Variants in DENND1A observed in about 807,000 individuals in gnomAD.
DENND1A encodes DENN domain containing 1A, also known as DENN domain-containing protein 1A.
DENND1A carries 51 observed loss-of-function variants against 113.7 expected under a neutral mutation model. The observed-to-expected ratio is 0.45, with a 90% CI of 0.36 to 0.57. The LOEUF (loss-of-function observed/expected upper bound fraction) is 0.57, where lower values mean the gene tolerates loss of function less well. Ranked by LOEUF, DENND1A falls within the 20% of genes least tolerant of loss-of-function variation. The pLI is 0.00. For missense variants in DENND1A, 1,258 were observed against 1,395.9 expected (o/e 0.90, Z 1.57); for synonymous variants, 565 against 570.8 (o/e 0.99, Z 0.14).
chr9:123,620,083 G>A (rs947019506), intron 10 of DENND1A, among the ~76,000 whole-genome samples: 3 of 151,562 alleles, frequency 2.0e-5, no homozygotes, highest in Non-Finnish European at 4.4e-5. Context: ...GTGTGGTGGC[G>A]CATATCTGTA....
chr9:123,606,002 G>A (rs565877130), intron 11 of DENND1A, among the ~76,000 whole-genome samples: 166 of 152,294 alleles, frequency 1.1e-3, no homozygotes, highest in Middle Eastern at 0.01. Context: ...CTAGTGTAGC[G>A]AGAGGAGATG....
intron 12 of DENND1A, among the ~76,000 whole-genome samples, chr9:123,574,352 G>T (rs1004162792): frequency 1.3e-5 from 2 of 151,348 alleles, no homozygotes; most frequent in African/African-American, 4.9e-5. Flanking sequence ...AGGCTCTCTG[G>T]GCCTAGGGTT....
rs560233751 is a variant in DENND1A at position 123,462,413 on chromosome 9, A to C, written c.994-4516T>G. ...TCCCAAACCCAGGTGTGCAGCATGC[A>C]TGTGGTCTACTGCAGGCCTGGCTTC... On this transcript the variant is annotated intron_variant, in intron 13 of 23. Coordinates refer to ENST00000394215, the MANE Select transcript of DENND1A (RefSeq NM_001352964.2). Among the ~76,000 whole-genome samples, 10 of 152,338 alleles carry C rather than the reference A, an allele frequency of 6.6e-5. No individual in the cohort carries two copies. The South Asian group carries it at 1.7e-3, about 25-fold the overall frequency.
At chr9:123,386,627 G>A (rs10985996) in intron 22 of DENND1A, among the ~76,000 whole-genome samples, 14,304 of 152,092 alleles carry the variant, frequency 0.094, 730 homozygotes, top group Middle Eastern at 0.14. Flanking sequence ...CAAGTGATCC[G>A]CCCGCTTTGG....
chr9:123,909,190 G>A (rs1051634980), intron 1 of DENND1A, among the ~76,000 whole-genome samples: 1 of 151,892 alleles, frequency 6.6e-6, no homozygotes. Context: ...ACACTATGGG[G>A]CCTGTGGTGG....
At chr9:123,531,602 C>CACAG (rs1357514670) in intron 13 of DENND1A, among the ~76,000 whole-genome samples, 3 of 147,532 alleles carry the variant, frequency 2.0e-5, no homozygotes, top group African/African-American at 7.7e-5. Context: ...CACACACACA[C>CACAG]AGAAGGCAAT....
At chr9:123,682,972 G>A (rs7046260) in intron 5 of DENND1A, among the ~76,000 whole-genome samples, 7,295 of 152,230 alleles carry the variant, frequency 0.048, 566 homozygotes, top group African/African-American at 0.17. Context: ...CACCAACAAT[G>A]TGACTGCTTC....
chr9:123,556,280 A>G (rs1053552704), intron 13 of DENND1A, among the ~76,000 whole-genome samples: 1 of 152,136 alleles, frequency 6.6e-6, no homozygotes, highest in Non-Finnish European at 1.5e-5. Flanking sequence ...GATAAAAAGG[A>G]GTAGGAGGGT....
intron 2 of DENND1A, among the ~76,000 whole-genome samples, chr9:123,841,774 A>G (rs1841874281): frequency 1.3e-5 from 2 of 152,204 alleles, no homozygotes. Context: ...CCTAGTTTTT[A>G]AAGATATTTA....
intron 5 of DENND1A, among the ~76,000 whole-genome samples, chr9:123,705,858 G>C (rs1451854453): frequency 6.6e-6 from 1 of 152,126 alleles, no homozygotes; most frequent in Non-Finnish European, 1.5e-5. Flanking sequence ...GAACATCCAA[G>C]AAGAAAAGAA....
At chr9:123,470,453 C>T (rs142669167) in intron 13 of DENND1A, among the ~76,000 whole-genome samples, 1 of 151,852 alleles carries the variant, frequency 6.6e-6, no homozygotes, top group Non-Finnish European at 1.5e-5. Flanking sequence ...AAAGGAAGCG[C>T]CAAGCTGATT....
intron 13 of DENND1A, among the ~76,000 whole-genome samples, chr9:123,473,787 C>T (rs2049647087): frequency 1.3e-5 from 2 of 152,018 alleles, no homozygotes; most frequent in Non-Finnish European, 2.9e-5. Context: ...CAGTCTCTTT[C>T]TCCACTAAAA....
chr9:123,713,595 A>G (rs2066774382), intron 5 of DENND1A, among the ~76,000 whole-genome samples: 1 of 152,138 alleles, frequency 6.6e-6, no homozygotes, highest in African/African-American at 2.4e-5. Flanking sequence ...GCTTTTCATC[A>G]TACCTTTCCA....
At chr9:123,846,683 C>T (rs1353031460) in intron 2 of DENND1A, among the ~76,000 whole-genome samples, 4 of 151,820 alleles carry the variant, frequency 2.6e-5, no homozygotes, top group Non-Finnish European at 5.9e-5. Flanking sequence ...ATAGAGGATA[C>T]CAGAGGTTAG....
intron 19 of DENND1A, chr9:123,414,623 G>A: frequency 1.9e-6 from 3 of 1,548,822 alleles, no homozygotes; most frequent in Non-Finnish European, 2.6e-6. Flanking sequence ...AGTCTTGCAA[G>A]AAAAAAACCC....
intron 9 of DENND1A, among the ~76,000 whole-genome samples, chr9:123,637,502 C>T (rs377303371): frequency 6.2e-4 from 94 of 152,220 alleles, no homozygotes; most frequent in African/African-American, 2.2e-3. Flanking sequence ...ATCATCAAAA[C>T]GTTTTAAGCA....
chr9:123,668,078 G>A (rs1420388397), intron 7 of DENND1A, among the ~76,000 whole-genome samples: 1 of 152,098 alleles, frequency 6.6e-6, no homozygotes, highest in African/African-American at 2.4e-5. Flanking sequence ...CTCCTTTGCT[G>A]CTATTAAAGA....
At chr9:123,437,241 T>C (rs986499467) in intron 19 of DENND1A, among the ~76,000 whole-genome samples, 2 of 152,208 alleles carry the variant, frequency 1.3e-5, no homozygotes, top group Admixed American at 6.5e-5. Context: ...GATGAATAGA[T>C]GATACTTAAA....
At chr9:123,903,262 G>A (rs1350217433) in intron 1 of DENND1A, among the ~76,000 whole-genome samples, 1 of 146,604 alleles carries the variant, frequency 6.8e-6, no homozygotes, top group African/African-American at 2.6e-5. Flanking sequence ...AACCCGGGAG[G>A]CGGAGCTTGC....
Sources: allele counts gnomAD v4.1 joint callset (sites outside exome capture counted in the v4.1 genomes callset), GRCh38; gene constraint gnomAD v4.1.1; transcripts MANE v1.5; gene names NCBI Gene and HGNC (gene_info 2026-07-23, HGNC 2026-07-21).